PHF21B: variants seen among roughly 807,000 people sequenced by gnomAD.
The protein encoded by PHF21B is PHD finger protein 4.
In PHF21B, 22 loss-of-function variants were observed where a neutral mutation model predicts 62.2. The ratio of observed to expected loss-of-function variants is 0.35; its 90% CI spans 0.25 to 0.51. The LOEUF (loss-of-function observed/expected upper bound fraction) is 0.51. Ranked by LOEUF, PHF21B falls within the 20% of genes least tolerant of loss-of-function variation. The probability of loss-of-function intolerance (pLI) is 0.97; values close to 1 mark genes in which losing one functional copy is unlikely to be tolerated. For synonymous variants in PHF21B, 341 were observed against 314.7 expected (o/e 1.08, Z -0.88); for missense variants, 701 against 707.9 (o/e 0.99, Z 0.11).
intron 6 of PHF21B, among the ~76,000 whole-genome samples, chr22:44,894,331 T>A (rs1304176104): frequency 6.6e-6 from 1 of 152,148 alleles, no homozygotes; most frequent in South Asian, 2.1e-4. Context: ...CACTTTTCGA[T>A]CAGTCCCTCA....
At chr22:44,897,394 G>C (rs866811831) in intron 5 of PHF21B, among the ~76,000 whole-genome samples, 1 of 152,080 alleles carries the variant, frequency 6.6e-6, no homozygotes, top group Non-Finnish European at 1.5e-5. Context: ...GAGCGAAGAG[G>C]TGCCAAAGCC....
At chr22:45,008,253 G>T (rs1030662380) in intron 2 of PHF21B, 1 of 278,518 alleles carries the variant, frequency 3.6e-6, no homozygotes, top group African/African-American at 2.2e-5. Flanking sequence ...GGGAGAAATC[G>T]CCACGTTCCA....
chr22:44,975,635 G>A (rs937338201), intron 2 of PHF21B, among the ~76,000 whole-genome samples: 2 of 152,216 alleles, frequency 1.3e-5, no homozygotes, highest in African/African-American at 4.8e-5. Flanking sequence ...AAGGCAGGAG[G>A]GAACCCAGGC....
intron 11 of PHF21B, 105 bp downstream of exon 11, chr22:44,885,758 G>T: frequency 8.0e-7 from 1 of 1,250,978 alleles, no homozygotes; most frequent in Non-Finnish European, 1.1e-6. Flanking sequence ...TGGCCCTGAA[G>T]GGAATGGACC....
chr22:44,887,747 T>C (rs1353041412), intron 10 of PHF21B, among the ~76,000 whole-genome samples: 2 of 125,118 alleles, frequency 1.6e-5, no homozygotes, highest in Non-Finnish European at 3.1e-5. Context: ...AGAACGAGAC[T>C]CTGTCTCAAA....
intron 2 of PHF21B, among the ~76,000 whole-genome samples, chr22:44,966,584 A>G (rs1236918112): frequency 6.6e-6 from 1 of 152,124 alleles, no homozygotes. Context: ...GGTGCGGTGA[A>G]GGGAGCCAGA....
At chr22:44,966,539 G>T (rs1158467462) in intron 2 of PHF21B, among the ~76,000 whole-genome samples, 2 of 152,086 alleles carry the variant, frequency 1.3e-5, no homozygotes, top group African/African-American at 2.4e-5. Context: ...GGGAGTCCCT[G>T]GGCAGGCAGG....
intron 2 of PHF21B, among the ~76,000 whole-genome samples, chr22:44,938,326 C>T (rs1227317398): frequency 1.3e-5 from 2 of 152,336 alleles, no homozygotes; most frequent in East Asian, 3.9e-4. Context: ...CTCTGCCTCC[C>T]AGGTTCAAGC....
chr22:44,965,572 C>A (rs1419897127), intron 2 of PHF21B, among the ~76,000 whole-genome samples: 2 of 152,170 alleles, frequency 1.3e-5, no homozygotes, highest in East Asian at 3.9e-4. Flanking sequence ...CCAGATGCAG[C>A]CTCTCCTCCC....
At chr22:44,970,765 C>CT (rs1298513088) in intron 2 of PHF21B, among the ~76,000 whole-genome samples, 1 of 152,134 alleles carries the variant, frequency 6.6e-6, no homozygotes, top group African/African-American at 2.4e-5. Context: ...AAATTTAACT[C>CT]TAAGCTCTTT....
chr22:44,996,193 C>T lies in PHF21B; in HGVS notation c.120+12352G>A, dbSNP rs116613595. On this transcript the variant is annotated intron_variant, in intron 2 of 12. Coordinates refer to ENST00000313237, the MANE Select transcript of PHF21B (RefSeq NM_138415.5). Reference sequence around the variant, plus strand: ...GCGCCCAGCCCTCAGCAGGACCACTCGCCAGCCCACAGCTTCGGTGTCTGC... The same window carrying T: ...GCGCCCAGCCCTCAGCAGGACCACTTGCCAGCCCACAGCTTCGGTGTCTGC... Among the ~76,000 whole-genome samples, 411 of 152,282 alleles carry T rather than the reference C, an allele frequency of 2.7e-3. 4 individuals are homozygous for T. The highest frequency in any genetic ancestry group is 9.4e-3 in the African/African-American group (391 of 41,558).
chr22:44,974,251 C>T (rs926164967), intron 2 of PHF21B, among the ~76,000 whole-genome samples: 1 of 151,948 alleles, frequency 6.6e-6, no homozygotes, highest in Non-Finnish European at 1.5e-5. Context: ...CCTGTCTCTA[C>T]TAAAATATAA....
chr22:44,892,573 G>A (rs1294227791), intron 7 of PHF21B, among the ~76,000 whole-genome samples: 1 of 152,228 alleles, frequency 6.6e-6, no homozygotes, highest in African/African-American at 2.4e-5. Context: ...GCTGGCATCT[G>A]CAACACACCA....
intron 2 of PHF21B, among the ~76,000 whole-genome samples, chr22:44,949,024 C>G (rs919114481): frequency 1.3e-5 from 2 of 151,980 alleles, no homozygotes; most frequent in Admixed American, 1.3e-4. Flanking sequence ...AGGTAGGGGC[C>G]GGGCGCGGTG....
At chr22:44,987,082 A>G (rs1229248096) in intron 2 of PHF21B, among the ~76,000 whole-genome samples, 3 of 152,214 alleles carry the variant, frequency 2.0e-5, no homozygotes, top group Non-Finnish European at 2.9e-5. Context: ...GTGTTTACGC[A>G]CAGAAGAGTA....
At chr22:44,974,559 T>C (rs1272064746) in intron 2 of PHF21B, among the ~76,000 whole-genome samples, 2 of 152,134 alleles carry the variant, frequency 1.3e-5, no homozygotes, top group Non-Finnish European at 2.9e-5. Context: ...TCCGTGCAGC[T>C]TACATTGAGT....
At chr22:44,932,886 A>G (rs2071768892) in intron 2 of PHF21B, among the ~76,000 whole-genome samples, 1 of 152,120 alleles carries the variant, frequency 6.6e-6, no homozygotes. Flanking sequence ...AGCTTAGGCC[A>G]CAGCTCACTG....
At chr22:44,973,877 G>C (rs1023887334) in intron 2 of PHF21B, among the ~76,000 whole-genome samples, 10 of 152,200 alleles carry the variant, frequency 6.6e-5, no homozygotes, top group African/African-American at 2.4e-4. Context: ...AGGAGGTGGT[G>C]CCAAGTCAAT....
intron 4 of PHF21B, among the ~76,000 whole-genome samples, chr22:44,915,597 G>C (rs745720485): frequency 6.6e-6 from 1 of 152,220 alleles, no homozygotes; most frequent in Non-Finnish European, 1.5e-5. Context: ...GGGTGCAACA[G>C]CACCAGCTCA....
Sources: gnomAD v4.1 joint callset for allele counts (sites outside exome capture counted in the v4.1 genomes callset) on GRCh38, gnomAD v4.1.1 for gene constraint, MANE v1.5 for transcripts, NCBI Gene and HGNC (gene_info 2026-07-23, HGNC 2026-07-21) for gene names.